The following FOXP1 variants were observed in gnomAD, a reference collection of about 807,000 sequenced individuals.
FOXP1 encodes forkhead box P1, also known as forkhead box protein P1.
Under a neutral mutation model 98.2 loss-of-function variants are expected in FOXP1, and 15 were observed. The observed-to-expected ratio is 0.15, with a 90% CI of 0.10 to 0.24. FOXP1 has a LOEUF of 0.24. Among genes scored for constraint, FOXP1 ranks in the 10% least tolerant of loss-of-function variants. FOXP1 has a pLI of 1.00. For missense variants in FOXP1, 633 were observed against 848.5 expected (o/e 0.75, Z 3.15); for synonymous variants, 371 against 314.5 (o/e 1.18, Z -1.90).
intron 1 of FOXP1, 145 bp from the exon 2 acceptor site, chr3:71,581,842 G>C: frequency 1.0e-6 from 1 of 986,134 alleles, no homozygotes; most frequent in Non-Finnish European, 1.2e-6. Context: ...AGTGCGCGTG[G>C]AGGGAAGAGA....
chr3:71,074,560 G>A (rs957464678), intron 7 of FOXP1, among the ~76,000 whole-genome samples: 4 of 152,028 alleles, frequency 2.6e-5, no homozygotes, highest in African/African-American at 4.8e-5. Flanking sequence ...TCTTGAAGCC[G>A]GTCAGTGGGG....
intron 12 of FOXP1, among the ~76,000 whole-genome samples, chr3:71,011,795 C>G (rs2043684561): frequency 1.3e-5 from 2 of 152,076 alleles, no homozygotes; most frequent in South Asian, 4.1e-4. Flanking sequence ...GTGTCATGTG[C>G]AAAACCACAA....
At chr3:71,308,747 CAATGTGTGTGTG>C (rs1485478990) in intron 4 of FOXP1, among the ~76,000 whole-genome samples, 10 of 128,212 alleles carry the variant, frequency 7.8e-5, no homozygotes, top group African/African-American at 3.2e-4. Flanking sequence ...CATTCTACCA[CAATGTGTGTGTG>C]TGTGTGTGTG....
At chr3:71,565,272 G>A (rs567370699) in intron 2 of FOXP1, among the ~76,000 whole-genome samples, 1 of 152,256 alleles carries the variant, frequency 6.6e-6, no homozygotes, top group Admixed American at 6.5e-5. Context: ...CCCACGGGCA[G>A]GCCTTCTATA....
chr3:71,188,981 C>T (rs1560087226), intron 6 of FOXP1, among the ~76,000 whole-genome samples: 3 of 152,252 alleles, frequency 2.0e-5, no homozygotes, highest in South Asian at 2.1e-4. Flanking sequence ...GCAGAAGATC[C>T]TGCAAAATGT....
chr3:71,108,268 T>A (rs1264142091), intron 7 of FOXP1, among the ~76,000 whole-genome samples: 2 of 152,218 alleles, frequency 1.3e-5, no homozygotes, highest in African/African-American at 4.8e-5. Context: ...TGCCAACAAC[T>A]AAAATGCTTA....
intron 5 of FOXP1, among the ~76,000 whole-genome samples, chr3:71,225,157 A>C (rs1353399196): frequency 6.6e-6 from 1 of 152,258 alleles, no homozygotes; most frequent in Non-Finnish European, 1.5e-5. Flanking sequence ...GGGAGGCGGC[A>C]GTGTGAGAGA....
chr3:71,547,209 G>T (rs545932465), intron 2 of FOXP1, among the ~76,000 whole-genome samples: 1 of 152,142 alleles, frequency 6.6e-6, no homozygotes, highest in Non-Finnish European at 1.5e-5. Flanking sequence ...GGTAGTTTAG[G>T]AAAGGTTACC....
chr3:71,169,433 A>G (rs2061540092), intron 6 of FOXP1, among the ~76,000 whole-genome samples: 1 of 152,132 alleles, frequency 6.6e-6, no homozygotes, highest in Admixed American at 6.5e-5. Context: ...CAGGGACATG[A>G]TATTTTTCTG....
At chr3:71,104,146 C>T (rs1273943096) in intron 7 of FOXP1, among the ~76,000 whole-genome samples, 1 of 152,102 alleles carries the variant, frequency 6.6e-6, no homozygotes, top group Non-Finnish European at 1.5e-5. Flanking sequence ...ACTCCCATTG[C>T]ACTGGAGAAT....
At chr3:71,050,281 T>C (rs913266397) in intron 9 of FOXP1, among the ~76,000 whole-genome samples, 22 of 152,206 alleles carry the variant, frequency 1.4e-4, no homozygotes, top group African/African-American at 5.3e-4. Flanking sequence ...ATGTGCCCTC[T>C]GAGCTCATCT....
chr3:71,326,767 G>C (rs539282321), intron 4 of FOXP1, among the ~76,000 whole-genome samples: 1 of 152,282 alleles, frequency 6.6e-6, no homozygotes, highest in South Asian at 2.1e-4. Flanking sequence ...GTTGGGGAAA[G>C]GGAAGAAAAG....
At position 71,214,013 on chromosome 3, in the gene FOXP1, C is replaced by T. The variant is rs561258610; in HGVS notation, c.-11-15621G>A. ...TCAGTCGGCCTAAAAGTCAAGAATG[C>T]AGATATTGTCCCTACAGTTAGCAAG... On this transcript the variant is annotated intron_variant, in intron 5 of 20. Transcript: ENST00000649528. Among the ~76,000 whole-genome samples the T allele has an allele frequency of 1.8e-4, 27 of 152,228 alleles. 1 individual carries two copies. The highest frequency in any genetic ancestry group is 1.2e-3 in the South Asian group (6 of 4,822).
chr3:71,506,759 A>G (rs1214482527), intron 2 of FOXP1, among the ~76,000 whole-genome samples: 2 of 152,164 alleles, frequency 1.3e-5, no homozygotes, highest in African/African-American at 4.8e-5. Flanking sequence ...TTCCACCTCC[A>G]TTACTAATAT....
At chr3:71,445,549 T>G (rs1310148416) in intron 3 of FOXP1, among the ~76,000 whole-genome samples, 1 of 152,156 alleles carries the variant, frequency 6.6e-6, no homozygotes, top group Non-Finnish European at 1.5e-5. Flanking sequence ...GGGCCTTTCT[T>G]TGTTGAATTC....
At chr3:71,563,391 A>G (rs1484743404) in intron 2 of FOXP1, among the ~76,000 whole-genome samples, 1 of 152,194 alleles carries the variant, frequency 6.6e-6, no homozygotes, top group African/African-American at 2.4e-5. Context: ...ATGCATGTCT[A>G]AGGGCTCAGT....
At chr3:71,325,043 T>A (rs544463559) in intron 4 of FOXP1, among the ~76,000 whole-genome samples, 1 of 143,598 alleles carries the variant, frequency 7.0e-6, no homozygotes, top group Non-Finnish European at 1.5e-5. Flanking sequence ...GCTGTAGGTA[T>A]AATCCCTTGA....
chr3:71,347,575 T>C (rs76264859), intron 4 of FOXP1, among the ~76,000 whole-genome samples: 4,317 of 152,244 alleles, frequency 0.028, 229 homozygotes, highest in African/African-American at 0.097. Flanking sequence ...AACAAGATAC[T>C]GAGTTTGCTG....
At chr3:71,444,993 G>A (rs1390972041) in intron 3 of FOXP1, among the ~76,000 whole-genome samples, 1 of 152,176 alleles carries the variant, frequency 6.6e-6, no homozygotes, top group African/African-American at 2.4e-5. Context: ...TGCACAATGT[G>A]GCCGGGCAGG....
Sources: gnomAD v4.1 joint callset for allele counts (sites outside exome capture counted in the v4.1 genomes callset) on GRCh38, gnomAD v4.1.1 for gene constraint, MANE v1.5 for transcripts, NCBI Gene and HGNC (gene_info 2026-07-23, HGNC 2026-07-21) for gene names.